PRKN: variants seen among roughly 807,000 people sequenced by gnomAD.
PRKN encodes E3 ubiquitin-protein ligase parkin.
In PRKN, 56 loss-of-function variants were observed where a neutral mutation model predicts 59.5. That is an observed-to-expected ratio of 0.94 (90% CI 0.76 to 1.18). The LOEUF is 1.18. Ranked by LOEUF, PRKN falls within the 50% of genes most tolerant of loss-of-function variation. The pLI is 0.00. For missense variants in PRKN, 657 were observed against 596.4 expected (o/e 1.10, Z -1.06); for synonymous variants, 250 against 222.1 (o/e 1.13, Z -1.12).
intron 10 of PRKN, among the ~76,000 whole-genome samples, chr6:161,366,065 A>ATGC (rs1192561983): frequency 1.3e-5 from 2 of 152,194 alleles, no homozygotes; most frequent in Non-Finnish European, 2.9e-5. Flanking sequence ...CACCAAGGTG[A>ATGC]TGCTACTGGA....
At position 161,440,101 on chromosome 6, in the gene PRKN, C is replaced by T. The variant is rs2115084168; in HGVS notation, c.1084-53224G>A. 6.6e-6 allele frequency among the ~76,000 whole-genome samples: 1 copy of T among 152,114 alleles called. No individual in the cohort carries two copies. The highest frequency in any genetic ancestry group is 1.9e-4 in the East Asian group (1 of 5,158). On this transcript the variant is annotated intron_variant, in intron 9 of 11. Coordinates refer to ENST00000366898, the MANE Select transcript of PRKN (RefSeq NM_004562.3). The surrounding 1 kb of genome is among the most constrained non-coding windows in gnomAD (Gnocchi z 4.1). ...GAGTAGCTGGGACTACAGGCGCCCA[C>T]CACCACGCCCGGCTAATTTTTTTTG...
intron 9 of PRKN, among the ~76,000 whole-genome samples, chr6:161,531,152 C>A (rs189838094): frequency 6.6e-6 from 1 of 151,750 alleles, no homozygotes; most frequent in African/African-American, 2.4e-5. Context: ...GAGGCTGAGG[C>A]GGGCAGATCA....
At chr6:161,777,800 GT>G (rs1486023930) in intron 7 of PRKN, among the ~76,000 whole-genome samples, 1 of 139,710 alleles carries the variant, frequency 7.2e-6, no homozygotes, top group Non-Finnish European at 1.5e-5. Context: ...TATGATATAT[GT>G]ATATATGTAT....
chr6:162,405,227 C>G (rs1372043393), intron 2 of PRKN, among the ~76,000 whole-genome samples: 1 of 152,130 alleles, frequency 6.6e-6, no homozygotes, highest in Non-Finnish European at 1.5e-5. Flanking sequence ...TCCTAAATCT[C>G]TAGTGAGAAC....
chr6:162,380,909 C>T (rs1167770336), intron 2 of PRKN, among the ~76,000 whole-genome samples: 2 of 152,086 alleles, frequency 1.3e-5, no homozygotes. Flanking sequence ...TGTCAAGCCT[C>T]CCTTTTTGAG....
chr6:161,573,796 A>ATATATAT (rs1562535152), intron 7 of PRKN, among the ~76,000 whole-genome samples: 176 of 105,696 alleles, frequency 1.7e-3, no homozygotes, highest in Non-Finnish European at 2.4e-3. Flanking sequence ...ATATATATAT[A>ATATATAT]AAACTTCATT....
intron 2 of PRKN, among the ~76,000 whole-genome samples, chr6:162,319,375 T>C (rs1782889273): frequency 6.6e-6 from 1 of 152,014 alleles, no homozygotes; most frequent in Admixed American, 6.6e-5. Context: ...TTAGGCCCTT[T>C]GGAAGTGTTC....
intron 1 of PRKN, among the ~76,000 whole-genome samples, chr6:162,536,555 T>C (rs1778728915): frequency 6.6e-6 from 1 of 151,962 alleles, no homozygotes; most frequent in Non-Finnish European, 1.5e-5. Context: ...TGCTTGTCTG[T>C]AGGGATTCCA....
intron 7 of PRKN, among the ~76,000 whole-genome samples, chr6:161,699,139 T>C (rs1427817829): frequency 6.6e-6 from 1 of 152,080 alleles, no homozygotes; most frequent in Non-Finnish European, 1.5e-5. Context: ...AGGCTCAACA[T>C]CGTTAGTCAT....
intron 10 of PRKN, among the ~76,000 whole-genome samples, chr6:161,381,367 A>G (rs1335866317): frequency 6.6e-6 from 1 of 152,150 alleles, no homozygotes. Context: ...TGTCAACTCT[A>G]TGCCCCTGGG....
At position 161,544,505 on chromosome 6, in the gene PRKN, T is replaced by TATTCATTC. The variant is rs60414258; in HGVS notation, c.1083+4341_1083+4348dup. ...TTAAGATTCACTCAACCATTTATTT[T>TATTCATTC]ATTCATTCATTCATTCATTCATTCA... On this transcript the variant is annotated intron_variant, in intron 9 of 11. Coordinates refer to ENST00000366898, the MANE Select transcript of PRKN (RefSeq NM_004562.3). This position sits in a 1 kb window ranked among gnomAD's most constrained non-coding sequence, Gnocchi z 5.5. 8.2e-4 allele frequency among the ~76,000 whole-genome samples: 101 copies of TATTCATTC among 122,864 alleles called. No individual in the cohort carries two copies. Among genetic ancestry groups the TATTCATTC allele is most frequent in the Non-Finnish European group, 1.6e-3 (85 of 53,894 alleles). 80.6% of individuals were successfully genotyped at this position (122,864 alleles called of 152,430 possible).
At chr6:161,380,207 C>T (rs1785906132) in intron 10 of PRKN, among the ~76,000 whole-genome samples, 1 of 152,192 alleles carries the variant, frequency 6.6e-6, no homozygotes, top group Admixed American at 6.5e-5. Flanking sequence ...GCCTGAAGAG[C>T]TCATCCCTGT....
chr6:161,494,994 C>T (rs537218550), intron 9 of PRKN, among the ~76,000 whole-genome samples: 24 of 152,162 alleles, frequency 1.6e-4, no homozygotes, highest in African/African-American at 5.5e-4. Flanking sequence ...AAATAAAATG[C>T]GAGCCACACA....
intron 1 of PRKN, among the ~76,000 whole-genome samples, chr6:162,504,185 C>T (rs569127752): frequency 6.6e-5 from 10 of 152,226 alleles, no homozygotes; most frequent in East Asian, 5.8e-4. Context: ...CAGCTGACTC[C>T]GCATCAGCCT....
At chr6:162,658,716 A>G (rs1043597577) in intron 1 of PRKN, among the ~76,000 whole-genome samples, 1 of 150,750 alleles carries the variant, frequency 6.6e-6, no homozygotes, top group Admixed American at 6.6e-5. Flanking sequence ...AAACAAAAGA[A>G]AAAAAAAAGA....
intron 6 of PRKN, among the ~76,000 whole-genome samples, chr6:161,897,582 T>C (rs1438362812): frequency 1.3e-5 from 2 of 149,460 alleles, no homozygotes; most frequent in African/African-American, 2.6e-5. Flanking sequence ...GGGTACTCTA[T>C]ACAGCAATTG....
chr6:162,510,119 T>C (rs1583694529), intron 1 of PRKN, among the ~76,000 whole-genome samples: 1 of 152,184 alleles, frequency 6.6e-6, no homozygotes, highest in African/African-American at 2.4e-5. Flanking sequence ...GATGTAACAT[T>C]ACAGCTTGGA....
At chr6:161,568,972 TAAA>T (rs3032926) in intron 8 of PRKN, among the ~76,000 whole-genome samples, 1,450 of 139,032 alleles carry the variant, frequency 0.01, 21 homozygotes, top group South Asian at 0.046. Context: ...AAAAACCTGG[TAAA>T]AAAAAAAAAA....
chr6:162,653,899 A>G (rs986454617), intron 1 of PRKN, among the ~76,000 whole-genome samples: 1 of 152,206 alleles, frequency 6.6e-6, no homozygotes, highest in Non-Finnish European at 1.5e-5. Flanking sequence ...TTTATAAAAC[A>G]ATTTCAATGA....
Sources: allele counts gnomAD v4.1 joint callset (sites outside exome capture counted in the v4.1 genomes callset), GRCh38; gene constraint gnomAD v4.1.1; non-coding constraint Gnocchi (gnomAD v3.1); transcripts MANE v1.5; gene names NCBI Gene and HGNC (gene_info 2026-07-23, HGNC 2026-07-21).